PTPRQ: variants seen among roughly 807,000 people sequenced by gnomAD.
PTPRQ encodes phosphatidylinositol phosphatase PTPRQ.
A neutral mutation model predicts 246.0 loss-of-function variants in PTPRQ; 199 were observed. That is an observed-to-expected ratio of 0.81 (90% CI 0.72 to 0.91). The LOEUF (loss-of-function observed/expected upper bound fraction) is 0.91. Among genes scored for constraint, PTPRQ ranks in the 40% least tolerant of loss-of-function variants. The pLI, the probability that PTPRQ is intolerant of heterozygous loss-of-function variation, is 0.00. For missense variants in PTPRQ, 2,624 were observed against 2,528.4 expected, an observed-to-expected ratio of 1.04 and a Z score of -0.81; for synonymous variants, 869 against 853.2, an observed-to-expected ratio of 1.02 and a Z score of -0.32.
chr12:80,577,181 C>T (rs1410415313), intron 25 of PTPRQ, among the ~76,000 whole-genome samples: 1 of 152,158 alleles, frequency 6.6e-6, no homozygotes, highest in Non-Finnish European at 1.5e-5. Context: ...TTAGTCTGTT[C>T]TCACACTGCT....
chr12:80,613,367 A>T (rs1488457075), intron 28 of PTPRQ, among the ~76,000 whole-genome samples: 3 of 150,708 alleles, frequency 2.0e-5, no homozygotes, highest in Non-Finnish European at 4.5e-5. Context: ...CTGTGTAAAA[A>T]TAAGTGCATA....
At chr12:80,551,433 C>T (rs1896472174) in intron 25 of PTPRQ, among the ~76,000 whole-genome samples, 1 of 152,176 alleles carries the variant, frequency 6.6e-6, no homozygotes, top group Non-Finnish European at 1.5e-5. Context: ...AACATCTTAA[C>T]TAGCCTTATC....
chr12:80,508,830 C>G (rs991175719), intron 16 of PTPRQ, among the ~76,000 whole-genome samples: 1 of 151,954 alleles, frequency 6.6e-6, no homozygotes, highest in Non-Finnish European at 1.5e-5. Flanking sequence ...ATTCGGAGAT[C>G]TACTGAAGGT....
intron 25 of PTPRQ, among the ~76,000 whole-genome samples, chr12:80,555,322 G>A (rs993469676): frequency 6.6e-6 from 1 of 152,120 alleles, no homozygotes; most frequent in African/African-American, 2.4e-5. Flanking sequence ...GCCTCCCAAA[G>A]TGTTGGGATT....
intron 25 of PTPRQ, among the ~76,000 whole-genome samples, chr12:80,585,344 C>T (rs1897576342): frequency 6.6e-6 from 1 of 152,176 alleles, no homozygotes; most frequent in East Asian, 1.9e-4. Flanking sequence ...AGCTCTCCTT[C>T]ACATTATATT....
At chr12:80,618,999 G>A (rs1898872783) in intron 30 of PTPRQ, among the ~76,000 whole-genome samples, 1 of 151,392 alleles carries the variant, frequency 6.6e-6, no homozygotes, top group African/African-American at 2.4e-5. Flanking sequence ...AGTATGACTA[G>A]AACAGAAATT....
At chr12:80,463,624 C>G (rs570387165) in intron 6 of PTPRQ, among the ~76,000 whole-genome samples, 1 of 151,848 alleles carries the variant, frequency 6.6e-6, no homozygotes, top group Non-Finnish European at 1.5e-5. Context: ...AGAGAAAGGT[C>G]GGGTTACCCA....
chr12:80,444,650 GA>G (rs2120379313), intron 1 of PTPRQ, 90 bp from the exon 2 acceptor site: 1 of 902,382 alleles, frequency 1.1e-6, no homozygotes, highest in Admixed American at 2.0e-5. Context: ...ATATAGTGAA[GA>G]GTTAATTTTT....
At chr12:80,528,037 G>A (rs1349356527) in intron 17 of PTPRQ, among the ~76,000 whole-genome samples, 2 of 152,114 alleles carry the variant, frequency 1.3e-5, no homozygotes, top group Admixed American at 6.6e-5. Flanking sequence ...GCTGCAGTGA[G>A]TTGTGATCAT....
In PTPRQ at chr12:80,622,044, C is replaced by A; in HGVS notation, c.5613-17C>A. 1 of 1,221,464 alleles carries A rather than the reference C, an allele frequency of 8.2e-7. No individual in the cohort carries two copies. Among genetic ancestry groups the A allele is most frequent in the Non-Finnish European group, 1.1e-6 (1 of 939,962 alleles). 75.7% of individuals were successfully genotyped at this position (1,221,464 alleles called of 1,614,324 possible). A position where few individuals can be genotyped will look rare whatever the true frequency, so the allele number is the denominator to read the frequency against. On this transcript the variant is annotated splice_polypyrimidine_tract_variant and intron_variant, in intron 32 of 44. Coordinates refer to ENST00000644991, the MANE Select transcript of PTPRQ (RefSeq NM_001145026.2). ...CATGATATGCAAAGTGTTGATTTTT[C>A]TTTTTTTATTTTATAGATTTAAATT...
intron 25 of PTPRQ, among the ~76,000 whole-genome samples, chr12:80,574,940 C>T (rs1897244576): frequency 6.6e-6 from 1 of 152,212 alleles, no homozygotes; most frequent in Non-Finnish European, 1.5e-5. Context: ...CTGTTTCCAA[C>T]TACTTTAGCA....
intron 35 of PTPRQ, among the ~76,000 whole-genome samples, chr12:80,638,328 A>G (rs1899734551): frequency 6.6e-6 from 1 of 151,642 alleles, no homozygotes; most frequent in Non-Finnish European, 1.5e-5. Context: ...ATTCTTAGGC[A>G]TGTCCTTTTT....
At chr12:80,517,271 T>A (rs73347793) in intron 17 of PTPRQ, among the ~76,000 whole-genome samples, 1,764 of 152,212 alleles carry the variant, frequency 0.012, 43 homozygotes, top group African/African-American at 0.039. Context: ...CAAAAAAAAA[T>A]CAGCAGAGTT....
In PTPRQ at chr12:80,549,515, GT is replaced by G. The variant is rs780796423; in HGVS notation, c.4070del (p.Leu1357Ter). On this transcript the variant is annotated frameshift_variant, in exon 25 of 45. Transcript: ENST00000644991. LOFTEE classifies it high-confidence loss of function. ...MQCMATSWQS[V>X]LVKWDPPKKA... The stretch of plus-strand genomic sequence containing the variant: ...GTGCATGGCAACTAGCTGGCAGTCA[GT>G]TTTAGTGAAATGGGATCCACCCAAA... 2 of 1,550,952 alleles carry G rather than the reference GT, an allele frequency of 1.3e-6. No homozygotes were observed. The highest frequency in any genetic ancestry group is 2.7e-5 in the African/African-American group (2 of 73,018).
intron 39 of PTPRQ, among the ~76,000 whole-genome samples, chr12:80,664,575 C>A (rs1180379995): frequency 6.6e-6 from 1 of 152,000 alleles, no homozygotes; most frequent in African/African-American, 2.4e-5. Flanking sequence ...ATAAAAATAT[C>A]TTGATATTAT....
chr12:80,560,467 T>A (rs1896790320), intron 25 of PTPRQ, among the ~76,000 whole-genome samples: 1 of 152,198 alleles, frequency 6.6e-6, no homozygotes, highest in Non-Finnish European at 1.5e-5. Context: ...CTGGAAATAG[T>A]CTCTGTGTTT....
chr12:80,669,295 A>C, intron 40 of PTPRQ, 44 bp from the exon 41 acceptor site: 4 of 1,543,380 alleles, frequency 2.6e-6, no homozygotes, highest in Non-Finnish European at 3.5e-6. Context: ...ATATATATCA[A>C]TATAACAATG....
chr12:80,458,418 C>T (rs1001367649), intron 4 of PTPRQ, among the ~76,000 whole-genome samples: 1 of 152,074 alleles, frequency 6.6e-6, no homozygotes, highest in Non-Finnish European at 1.5e-5. Context: ...AAAGATCTAA[C>T]TTTCTTATGT....
intron 6 of PTPRQ, 90 bp from the exon 7 acceptor site, chr12:80,468,620 C>G: frequency 8.1e-7 from 1 of 1,232,708 alleles, no homozygotes; most frequent in Non-Finnish European, 1.1e-6. Context: ...TATTTTCCTT[C>G]TTTGCCTTTG....
Sources: allele counts gnomAD v4.1 joint callset (sites outside exome capture counted in the v4.1 genomes callset), GRCh38; gene constraint gnomAD v4.1.1; transcripts MANE v1.5; gene names NCBI Gene and HGNC (gene_info 2026-07-23, HGNC 2026-07-21).